Variants in CSNK2A1 observed in about 807,000 individuals in gnomAD.
The protein encoded by CSNK2A1 is casein kinase II subunit alpha.
In CSNK2A1, 10 loss-of-function variants were observed where a neutral mutation model predicts 62.9. That is an observed-to-expected ratio of 0.16 (90% CI 0.10 to 0.27). The LOEUF (loss-of-function observed/expected upper bound fraction) is 0.27. Ranked by LOEUF, CSNK2A1 falls within the 10% of genes least tolerant of loss-of-function variation. The pLI is 1.00. For missense variants in CSNK2A1, 160 were observed against 492.0 expected, an observed-to-expected ratio of 0.33 and a Z score of 6.38; for synonymous variants, 124 against 167.8, an observed-to-expected ratio of 0.74 and a Z score of 2.02.
In CSNK2A1 at chr20:519,096, C is replaced by A. The variant is rs374054817; in HGVS notation, c.-110+8837G>T. Among the ~76,000 whole-genome samples the A allele has an allele frequency of 2.6e-3, 390 of 151,952 alleles. 2 individuals carry two copies. Among genetic ancestry groups the A allele is most frequent in the African/African-American group, 7.9e-3 (329 of 41,436 alleles). On this transcript the variant is annotated intron_variant, in intron 2 of 13. Coordinates refer to ENST00000217244, the MANE Select transcript of CSNK2A1 (RefSeq NM_177559.3). ...GACTACAGGTGCATGCCACCATGCC[C>A]GGCTAATTTTTGTATTTTTAGTAGT...
chr20:478,730 C>A lies in CSNK2A1; in HGVS notation c.*5231G>T. Reference sequence around the variant, plus strand: ...GACTGTTGAGCTCAGGAGTTCAAGACCAGCCTGGGCAACACGGCAAAACTT... The same window carrying A: ...GACTGTTGAGCTCAGGAGTTCAAGAACAGCCTGGGCAACACGGCAAAACTT... On this transcript the variant is annotated 3_prime_UTR_variant, in exon 14 of 14. Transcript: ENST00000217244. 3.2e-6 allele frequency: 1 copy of A among 316,390 alleles called. No homozygotes were observed. Among genetic ancestry groups the A allele is most frequent in the Non-Finnish European group, 6.2e-6 (1 of 161,638 alleles). 19.6% of individuals were successfully genotyped at this position (316,390 alleles called of 1,614,324 possible). A position where few individuals can be genotyped will look rare whatever the true frequency, so the allele number is the denominator to read the frequency against.
intron 1 of CSNK2A1, among the ~76,000 whole-genome samples, chr20:533,813 G>C (rs892788131): frequency 6.6e-6 from 1 of 152,148 alleles, no homozygotes; most frequent in African/African-American, 2.4e-5. Context: ...TCCCAATGAA[G>C]GGAGGTATTA....
rs1206384431 is a variant in CSNK2A1 at position 487,417 on chromosome 20, C to G, written c.973+10G>C. The G allele has an allele frequency of 2.5e-6, 4 of 1,613,446 alleles. No homozygotes were observed. The South Asian group carries it at 4.4e-5, about 18-fold the overall frequency. ...TGCACAAACTCTGTGGGCTAGATAT[C>G]TGGACTCACAGAAATAGGGGTGCTC... On this transcript the variant is annotated intron_variant, in intron 12 of 13. Coordinates refer to ENST00000217244, the MANE Select transcript of CSNK2A1 (RefSeq NM_177559.3).
intron 3 of CSNK2A1, among the ~76,000 whole-genome samples, chr20:505,651 C>T (rs367968211): frequency 3.7e-4 from 55 of 147,694 alleles, no homozygotes; most frequent in South Asian, 1.1e-3. Context: ...CGTGAGCCAC[C>T]GCGCCTGGCC....
chr20:532,014 A>G (rs1238080862), intron 1 of CSNK2A1, among the ~76,000 whole-genome samples: 2 of 152,220 alleles, frequency 1.3e-5, no homozygotes, highest in Non-Finnish European at 2.9e-5. Context: ...TCCAAAGAGA[A>G]TTACTTGTGG....
intron 2 of CSNK2A1, among the ~76,000 whole-genome samples, chr20:526,215 T>C (rs1260682196): frequency 6.6e-6 from 1 of 152,164 alleles, no homozygotes; most frequent in Non-Finnish European, 1.5e-5. Flanking sequence ...CTCATGCCTG[T>C]AATCCCAACA....
At chr20:513,272 A>G (rs1386728309) in intron 2 of CSNK2A1, among the ~76,000 whole-genome samples, 19 of 152,232 alleles carry the variant, frequency 1.2e-4, no homozygotes, top group Admixed American at 1.2e-3. Context: ...CCTATGCTTA[A>G]AAGTGATCTC....
rs1195426399 is a variant in CSNK2A1, at chr20:483,719, C to T, written c.*242G>A. 1 of 293,724 alleles carries T rather than the reference C, an allele frequency of 3.4e-6. No individual in the cohort carries two copies. Among genetic ancestry groups the T allele is most frequent in the Non-Finnish European group, 6.2e-6 (1 of 161,492 alleles). 18.2% of individuals were successfully genotyped at this position (293,724 alleles called of 1,614,324 possible). ...AAAATTTGTCCATGAAATATTCCAC[C>T]TGCAGGTAATTTTTCAGGGAATCCC... On this transcript the variant is annotated 3_prime_UTR_variant, in exon 14 of 14. Coordinates refer to ENST00000217244, the MANE Select transcript of CSNK2A1 (RefSeq NM_177559.3).
chr20:505,292 G>C, intron 3 of CSNK2A1, 63 bp from the exon 4 acceptor site: 1 of 1,199,122 alleles, frequency 8.3e-7, no homozygotes, highest in Non-Finnish European at 1.2e-6. Context: ...CAAATTACAG[G>C]AATCTATTAC....
chr20:531,342 A>C (rs2122642396), intron 1 of CSNK2A1, among the ~76,000 whole-genome samples: 1 of 152,314 alleles, frequency 6.6e-6, no homozygotes, highest in African/African-American at 2.4e-5. Context: ...CCCAATGGAG[A>C]TACCACACGT....
intron 4 of CSNK2A1, chr20:503,811 T>G (rs529477285): frequency 2.5e-6 from 1 of 397,478 alleles, no homozygotes; most frequent in Non-Finnish European, 4.4e-6. Flanking sequence ...TATAGTTATA[T>G]AAGAACAAAT....
At chr20:490,967 AC>A (rs558707800) in intron 9 of CSNK2A1, among the ~76,000 whole-genome samples, 2 of 151,140 alleles carry the variant, frequency 1.3e-5, no homozygotes, top group Admixed American at 1.3e-4. Flanking sequence ...GTATTTTATT[AC>A]ATAAATGTTT....
intron 2 of CSNK2A1, among the ~76,000 whole-genome samples, chr20:511,789 G>A (rs1207342025): frequency 6.6e-6 from 1 of 151,884 alleles, no homozygotes; most frequent in Non-Finnish European, 1.5e-5. Context: ...CCACAGCTTG[G>A]CTATTGTAAA....
intron 2 of CSNK2A1, among the ~76,000 whole-genome samples, chr20:521,232 G>A (rs6052595): frequency 0.032 from 4,901 of 152,106 alleles, 267 homozygotes; most frequent in African/African-American, 0.11. Flanking sequence ...TAAGAAAACA[G>A]CTCAATTTAA....
chr20:499,570 G>A lies in CSNK2A1; in HGVS notation c.315+263C>T, dbSNP rs1048966992. 103 of 553,548 alleles carry A rather than the reference G, an allele frequency of 1.9e-4. No homozygotes were observed. In the East Asian group the frequency reaches 2.4e-3, roughly 13 times the overall value. The allele number at this position is 553,548 out of a possible 1,614,324, so 34.3% of individuals were successfully genotyped here. On this transcript the variant is annotated intron_variant, in intron 5 of 13. Coordinates refer to ENST00000217244, the MANE Select transcript of CSNK2A1 (RefSeq NM_177559.3). This position sits in a 1 kb window ranked among gnomAD's most constrained non-coding sequence, Gnocchi z 4.2. ...AATGCGCCCATCGCCCATCGGCATCGGACCTGAGTTTGCAAAATGGATTAA... is the reference window on the plus strand; with the variant it reads ...AATGCGCCCATCGCCCATCGGCATCAGACCTGAGTTTGCAAAATGGATTAA...
At chr20:514,724 G>A (rs189583605) in intron 2 of CSNK2A1, among the ~76,000 whole-genome samples, 1 of 152,302 alleles carries the variant, frequency 6.6e-6, no homozygotes, top group African/African-American at 2.4e-5. Context: ...TTACAGGTGT[G>A]AGCCACCATG....
chr20:519,372 A>C (rs550313982), intron 2 of CSNK2A1, among the ~76,000 whole-genome samples: 17 of 152,394 alleles, frequency 1.1e-4, no homozygotes, highest in Non-Finnish European at 1.8e-4. Flanking sequence ...AAACAAGATC[A>C]ATAAAAAGAA....
At chr20:516,371 G>A (rs896265651) in intron 2 of CSNK2A1, among the ~76,000 whole-genome samples, 10 of 152,048 alleles carry the variant, frequency 6.6e-5, no homozygotes, top group African/African-American at 2.2e-4. Context: ...AATCAGCTAC[G>A]AAAAAAGTAT....
At chr20:530,873 T>G (rs1327653260) in intron 1 of CSNK2A1, among the ~76,000 whole-genome samples, 1 of 152,058 alleles carries the variant, frequency 6.6e-6, no homozygotes, top group Non-Finnish European at 1.5e-5. Context: ...TTACCTGAGG[T>G]CAGGAGTTCA....
Sources: allele counts gnomAD v4.1 joint callset (sites outside exome capture counted in the v4.1 genomes callset), GRCh38; gene constraint gnomAD v4.1.1; non-coding constraint Gnocchi (gnomAD v3.1); transcripts MANE v1.5; gene names NCBI Gene and HGNC (gene_info 2026-07-23, HGNC 2026-07-21).